DCDC1: variants seen among roughly 807,000 people sequenced by gnomAD.
DCDC1 encodes doublecortin domain-containing protein 1.
Under a neutral mutation model 178.3 loss-of-function variants are expected in DCDC1, and 200 were observed. That is an observed-to-expected ratio of 1.12 (90% CI 1.00 to 1.26). The LOEUF (loss-of-function observed/expected upper bound fraction) is 1.26, where lower values mean the gene tolerates loss of function less well. Among genes scored for constraint, DCDC1 ranks in the 50% most tolerant of loss-of-function variants. The pLI is 0.00. For synonymous variants in DCDC1, 690 were observed against 604.8 expected (o/e 1.14, Z -2.07); for missense variants, 1,983 against 1,749.2 (o/e 1.13, Z -2.38).
chr11:31,216,477 C>T (rs1973577247), intron 9 of DCDC1, among the ~76,000 whole-genome samples: 1 of 115,402 alleles, frequency 8.7e-6, no homozygotes, highest in African/African-American at 3.3e-5. Context: ...GCAAAAGGGG[C>T]AGATCTACAC....
intron 20 of DCDC1, among the ~76,000 whole-genome samples, chr11:31,005,952 GAAAAAAAAA>G (rs35225668): frequency 0.033 from 1,574 of 47,808 alleles, 29 homozygotes; most frequent in Non-Finnish European, 0.046. Context: ...TCTTATTCCT[GAAAAAAAAA>G]AAAAAAAAAA....
intron 3 of DCDC1, among the ~76,000 whole-genome samples, chr11:31,312,379 T>C (rs927930204): frequency 6.6e-6 from 1 of 152,220 alleles, no homozygotes; most frequent in African/African-American, 2.4e-5. Context: ...TTTGAACTTA[T>C]GTCTACAATC....
intron 20 of DCDC1, among the ~76,000 whole-genome samples, chr11:30,955,681 C>A (rs1948733693): frequency 6.6e-6 from 1 of 152,082 alleles, no homozygotes; most frequent in Non-Finnish European, 1.5e-5. Context: ...CCAGATTATC[C>A]AAGCCACTGC....
At chr11:31,274,216 G>A (rs1257498397) in intron 7 of DCDC1, among the ~76,000 whole-genome samples, 1 of 152,038 alleles carries the variant, frequency 6.6e-6, no homozygotes, top group African/African-American at 2.4e-5. Context: ...CCTCTCTTAA[G>A]GCAATCTAAA....
At chr11:31,088,676 TA>T (rs1157721388) in intron 17 of DCDC1, among the ~76,000 whole-genome samples, 6 of 152,262 alleles carry the variant, frequency 3.9e-5, no homozygotes, top group Admixed American at 2.6e-4. Context: ...AACAATCAAT[TA>T]TTTTTTAAAG....
At chr11:30,890,277 C>T (rs1160986517) in intron 36 of DCDC1, among the ~76,000 whole-genome samples, 1 of 152,230 alleles carries the variant, frequency 6.6e-6, no homozygotes, top group Non-Finnish European at 1.5e-5. Flanking sequence ...TTTAAACAAT[C>T]TCTCTGGTCA....
intron 22 of DCDC1, among the ~76,000 whole-genome samples, chr11:30,929,860 C>T (rs1174073883): frequency 6.6e-6 from 1 of 152,014 alleles, no homozygotes; most frequent in Non-Finnish European, 1.5e-5. Context: ...TTGACAAGAT[C>T]TTGTCACTCA....
intron 8 of DCDC1, among the ~76,000 whole-genome samples, chr11:31,244,927 T>A (rs1233960758): frequency 6.6e-6 from 1 of 151,672 alleles, no homozygotes; most frequent in Admixed American, 6.6e-5. Context: ...AAAGAGTAAC[T>A]CCACTGGACA....
intron 9 of DCDC1, among the ~76,000 whole-genome samples, chr11:31,238,632 A>G (rs969615962): frequency 4.6e-5 from 7 of 152,230 alleles, no homozygotes; most frequent in Non-Finnish European, 8.8e-5. Context: ...CTACATAACA[A>G]GAATGCTAAT....
chr11:31,086,992 C>T (rs1375996093), intron 17 of DCDC1, among the ~76,000 whole-genome samples: 2 of 152,006 alleles, frequency 1.3e-5, no homozygotes, highest in Non-Finnish European at 2.9e-5. Flanking sequence ...CAGAATTTCC[C>T]AGTGAAGCTA....
rs560567658 is a variant in DCDC1, at chr11:31,213,105, C to G, written c.1221+28345G>C. Among the ~76,000 whole-genome samples the G allele has an allele frequency of 1.0e-3, 19 of 18,772 alleles. No homozygotes were observed. In the South Asian group the frequency reaches 0.026, roughly 26 times the overall value. 12.3% of individuals were successfully genotyped at this position (18,772 alleles called of 152,430 possible). Reference sequence around the variant, plus strand: ...ATCTTCTATATAAAGCCCAGCCTCTCTCTCTCTCTCTCTCTCTCTCTCTCT... The same window carrying G: ...ATCTTCTATATAAAGCCCAGCCTCTGTCTCTCTCTCTCTCTCTCTCTCTCT... On this transcript the variant is annotated intron_variant, in intron 9 of 38. Transcript: ENST00000684477.
intron 20 of DCDC1, among the ~76,000 whole-genome samples, chr11:30,970,724 C>T (rs187050401): frequency 5.3e-5 from 8 of 152,316 alleles, no homozygotes; most frequent in African/African-American, 1.9e-4. Context: ...GCAATCCTGC[C>T]CTCCCCAGTA....
intron 12 of DCDC1, among the ~76,000 whole-genome samples, chr11:31,109,926 T>C (rs990902838): frequency 2.0e-5 from 3 of 152,154 alleles, no homozygotes; most frequent in Non-Finnish European, 4.4e-5. Flanking sequence ...AGAAATACCC[T>C]AGATCCAGGG....
chr11:30,883,670 T>C (rs912046509), intron 36 of DCDC1, among the ~76,000 whole-genome samples: 2 of 152,150 alleles, frequency 1.3e-5, no homozygotes, highest in Non-Finnish European at 2.9e-5. Context: ...GCAAAATCTA[T>C]GAAGTTATGA....
At chr11:31,322,091 G>T (rs1026796726) in intron 3 of DCDC1, among the ~76,000 whole-genome samples, 1 of 152,068 alleles carries the variant, frequency 6.6e-6, no homozygotes, top group Non-Finnish European at 1.5e-5. Context: ...TGCCATGTTT[G>T]CTTTGTTATC....
chr11:31,157,410 C>T (rs1327495353), intron 9 of DCDC1, among the ~76,000 whole-genome samples: 3 of 141,722 alleles, frequency 2.1e-5, no homozygotes, highest in Admixed American at 7.2e-5. Flanking sequence ...CACACACACA[C>T]ATATATATAC....
At chr11:31,224,255 T>A in intron 9 of DCDC1, among the ~76,000 whole-genome samples, 1 of 151,894 alleles carries the variant, frequency 6.6e-6, no homozygotes, top group Non-Finnish European at 1.5e-5. Flanking sequence ...CATATACATA[T>A]ATATATAAGG....
rs1490087179 is a variant in DCDC1, at chr11:31,281,164, T to C, written c.960+9483A>G. ...TAGCTTTTATGTAGGTTCTTTAAGGTATTTGATGTTCTTATCACATTGTCT... is the reference window on the plus strand; with the variant it reads ...TAGCTTTTATGTAGGTTCTTTAAGGCATTTGATGTTCTTATCACATTGTCT... On this transcript the variant is annotated intron_variant, in intron 7 of 38. Transcript: ENST00000684477. Among the ~76,000 whole-genome samples the C allele has an allele frequency of 3.9e-5, 6 of 152,176 alleles. 1 individual carries two copies. Among genetic ancestry groups the C allele is most frequent in the Admixed American group, 3.3e-4 (5 of 15,256 alleles).
chr11:30,957,594 A>G (rs772339740), intron 20 of DCDC1, among the ~76,000 whole-genome samples: 1 of 152,232 alleles, frequency 6.6e-6, no homozygotes, highest in Non-Finnish European at 1.5e-5. Context: ...AGAGAGGTGC[A>G]GTGTTGGTCC....
Sources: gnomAD v4.1 joint callset for allele counts (sites outside exome capture counted in the v4.1 genomes callset) on GRCh38, gnomAD v4.1.1 for gene constraint, MANE v1.5 for transcripts, NCBI Gene and HGNC (gene_info 2026-07-23, HGNC 2026-07-21) for gene names.